Variants in GH1 observed in about 807,000 individuals in gnomAD.
GH1 encodes somatotropin.
GH1 carries 13 observed loss-of-function variants against 24.5 expected under a neutral mutation model. The observed-to-expected ratio is 0.53, with a 90% CI of 0.35 to 0.85. The LOEUF is 0.85. GH1 is among the 40% of genes least tolerant of loss of function. The pLI, the probability that GH1 is intolerant of heterozygous loss-of-function variation, is 0.01. For missense variants in GH1, 294 were observed against 273.2 expected, an observed-to-expected ratio of 1.08 and a Z score of -0.54; for synonymous variants, 126 against 116.3, an observed-to-expected ratio of 1.08 and a Z score of -0.54.
Position 63,918,396 on chromosome 17 carries a change from G to T in GH1, c.121C>A (p.Leu41Ile). Residue 41 changes from leucine (L) to isoleucine (I), a missense_variant, in exon 2 of 5, where the codon CTC (leucine) becomes ATC (isoleucine). By Grantham distance (5) the Leu-to-Ile change is conservative. Coordinates refer to ENST00000323322, the MANE Select transcript of GH1 (RefSeq NM_000515.5). ...AGCTGGTGCAGACGATGGGCGCGGAGCATAGCGTTGTCAAAAAGCCTGGAT... is the reference window on the plus strand; with the variant it reads ...AGCTGGTGCAGACGATGGGCGCGGATCATAGCGTTGTCAAAAAGCCTGGAT... Reference protein sequence around the residue: ...PLSRLFDNAMLRAHRLHQLAF... With the variant: ...PLSRLFDNAMIRAHRLHQLAF... 1.2e-6 allele frequency: 2 copies of T among 1,614,192 alleles called. No individual in the cohort carries two copies. The highest frequency in any genetic ancestry group is 1.7e-6 in the Non-Finnish European group (2 of 1,180,030).
intron 1 of GH1, 61 bp from the exon 2 acceptor site, chr17:63,918,567 G>C (rs1388884810): frequency 4.0e-5 from 64 of 1,612,036 alleles, no homozygotes; most frequent in Non-Finnish European, 5.3e-5. Context: ...CACTCTCCCT[G>C]CTCCAGGAGC....
chr17:63,917,883 C>A lies in GH1; in HGVS notation c.333G>T (p.Ser111=). The change falls in exon 4 of 5, where the codon TCG becomes TCT. Residue 111 remains serine (S), a synonymous_variant. Transcript: ENST00000323322. The part of the protein sequence containing the change: ...LLRISLLLIQ[S]WLEPVQFLRS... ...TGAGGAACTGCACGGGCTCCAGCCACGACTGGATGAGCAGCAGGGAGATGC... is the reference window on the plus strand; with the variant it reads ...TGAGGAACTGCACGGGCTCCAGCCAAGACTGGATGAGCAGCAGGGAGATGC... The A allele has an allele frequency of 6.2e-7, 1 of 1,614,188 alleles. No individual in the cohort carries two copies. Among genetic ancestry groups the A allele is most frequent in the African/African-American group, 1.3e-5 (1 of 75,054 alleles).
At chr17:63,917,726 C>T (rs752192734) in intron 4 of GH1, 34 bp downstream of exon 4, 40 of 1,614,060 alleles carry the variant, frequency 2.5e-5, no homozygotes, top group Non-Finnish European at 3.4e-5. Context: ...GTCAGTGGGG[C>T]TCCAGGATTG....
chr17:63,918,166 C>A (rs150057178), intron 2 of GH1, 30 bp from the exon 3 acceptor site: 30 of 1,614,018 alleles, frequency 1.9e-5, no homozygotes, highest in African/African-American at 9.3e-5. Flanking sequence ...CCAAGGTCTA[C>A]GCTGGAGACC....
In GH1 at chr17:63,918,711, T is replaced by A. The variant is rs200389180; in HGVS notation, c.10+56A>T. 14,676 of 1,612,252 alleles carry A rather than the reference T, an allele frequency of 9.1e-3. 108 individuals are homozygous for A. The highest frequency in any genetic ancestry group is 0.012 in the Non-Finnish European group (13,576 of 1,178,902). ...TTAGTGCCCCCGTCCCATCTACAGG[T>A]CGCTGCCTCTCCCCTCAGGACACAT... On this transcript the variant is annotated intron_variant, in intron 1 of 4. Coordinates refer to ENST00000323322, the MANE Select transcript of GH1 (RefSeq NM_000515.5).
chr17:63,918,781 G>A lies in GH1; in HGVS notation c.-5C>T, dbSNP rs771309275. ...GGGGCGCTTACCTGTAGCCATTGCAGCTAGGTGAGCTGTCCACAGGACCCT... is the reference window on the plus strand; with the variant it reads ...GGGGCGCTTACCTGTAGCCATTGCAACTAGGTGAGCTGTCCACAGGACCCT... On this transcript the variant is annotated 5_prime_UTR_variant, in exon 1 of 5. Coordinates refer to ENST00000323322, the MANE Select transcript of GH1 (RefSeq NM_000515.5). The A allele has an allele frequency of 3.0e-4, 491 of 1,613,266 alleles. No individual in the cohort carries two copies. Among genetic ancestry groups the A allele is most frequent in the Middle Eastern group, 9.9e-4 (6 of 6,054 alleles).
Position 63,917,468 on chromosome 17 carries a change from G to A in GH1, c.495C>T (p.Phe165=). Residue 165 remains phenylalanine, a synonymous_variant, in exon 5 of 5, where the codon TTC becomes TTT. Coordinates refer to ENST00000323322, the MANE Select transcript of GH1 (RefSeq NM_000515.5). ...TGTCGAACTTGCTGTAGGTCTGCTTGAAGATCTGCCCAGTCCGGGGGCTGC... is the reference window on the plus strand; with the variant it reads ...TGTCGAACTTGCTGTAGGTCTGCTTAAAGATCTGCCCAGTCCGGGGGCTGC... ...EDGSPRTGQI[F]KQTYSKFDTN... is the part of the protein sequence containing the mutation. 1 of 1,613,978 alleles carries A rather than the reference G, an allele frequency of 6.2e-7. No individual in the cohort carries two copies. The highest frequency in any genetic ancestry group is 8.5e-7 in the Non-Finnish European group (1 of 1,179,868).
intron 4 of GH1, 91 bp from the exon 5 acceptor site, chr17:63,917,597 G>C: frequency 6.2e-7 from 1 of 1,613,842 alleles, no homozygotes. Context: ...TCCCCTTCAG[G>C]GTGTAGAGAA....
Position 63,917,820 on chromosome 17 carries a change from A to C in GH1, c.396T>G (p.Ser132=), listed in dbSNP as rs763501141. The change falls in exon 4 of 5, where the codon TCT becomes TCG. Residue 132 remains serine, a synonymous_variant. Transcript: ENST00000323322. ...TTAGGAGGTCATAGACGTTGCTGTCAGAGGCGCCGTACACCAGGCTGTTGG... is the reference window on the plus strand; with the variant it reads ...TTAGGAGGTCATAGACGTTGCTGTCCGAGGCGCCGTACACCAGGCTGTTGG... ...VFANSLVYGA[S]DSNVYDLLKD... 12 of 1,614,190 alleles carry C rather than the reference A, an allele frequency of 7.4e-6. No individual in the cohort carries two copies. The highest frequency in any genetic ancestry group is 9.3e-6 in the Non-Finnish European group (11 of 1,180,030).
intron 4 of GH1, 82 bp from the exon 5 acceptor site, chr17:63,917,588 C>T (rs1907412710): frequency 1.2e-6 from 2 of 1,613,928 alleles, no homozygotes; most frequent in Non-Finnish European, 1.7e-6. Context: ...TTTCCTCCCT[C>T]CCCTTCAGGG....
Position 63,917,360 on chromosome 17 carries a change from T to A in GH1, c.603A>T (p.Thr201=), listed in dbSNP as rs1425600314. The A allele has an allele frequency of 1.9e-6, 3 of 1,613,964 alleles. No individual in the cohort carries two copies. The highest frequency in any genetic ancestry group is 2.2e-5 in the South Asian group (2 of 91,064). ...CFRKDMDKVE[T]FLRIVQCRSV... ...AGCGGCACTGCACGATGCGCAGGAATGTCTCGACCTTGTCCATGTCCTTCC... is the reference window on the plus strand; with the variant it reads ...AGCGGCACTGCACGATGCGCAGGAAAGTCTCGACCTTGTCCATGTCCTTCC... The change falls in exon 5 of 5, where the codon ACA becomes ACT. Residue 201 remains threonine (T), a synonymous_variant. Coordinates refer to ENST00000323322, the MANE Select transcript of GH1 (RefSeq NM_000515.5).
intron 3 of GH1, 37 bp downstream of exon 3, chr17:63,917,980 T>G: frequency 6.2e-7 from 1 of 1,614,078 alleles, no homozygotes; most frequent in South Asian, 1.1e-5. Context: ...ACTACAGGTC[T>G]CCCCCATCCC....
In GH1 at chr17:63,917,913, C is replaced by A; in HGVS notation, c.303G>T (p.Leu101=). ...GGATGAGCAGCAGGGAGATGCGGAGCAGCTCTAGGTTCTGCAGGGGAAGGA... is the reference window on the plus strand; with the variant it reads ...GGATGAGCAGCAGGGAGATGCGGAGAAGCTCTAGGTTCTGCAGGGGAAGGA... The part of the protein sequence containing the change: ...EETQQKSNLE[L]LRISLLLIQS... Residue 101 remains leucine (L), a synonymous_variant, in exon 4 of 5, where the codon CTG becomes CTT. Transcript: ENST00000323322. 4 of 1,614,154 alleles carry A rather than the reference C, an allele frequency of 2.5e-6. No homozygotes were observed. Among genetic ancestry groups the A allele is most frequent in the South Asian group, 1.1e-5 (1 of 91,078 alleles).
In GH1 at chr17:63,917,662, A is replaced by G. The variant is rs1907419340; in HGVS notation, c.456+98T>C. On this transcript the variant is annotated intron_variant, in intron 4 of 4. Transcript: ENST00000323322. ...AGAATAAGGTGAGTTCTCTTGGGTC[A>G]GGGCCTGACTGCTAAAAAGAGGGCA... 7.4e-6 allele frequency: 12 copies of G among 1,614,038 alleles called. No homozygotes were observed. In the South Asian group the frequency reaches 1.2e-4, roughly 16 times the overall value.
intron 4 of GH1, 80 bp from the exon 5 acceptor site, chr17:63,917,586 C>T (rs1423164531): frequency 5.6e-6 from 9 of 1,613,818 alleles, no homozygotes; most frequent in Non-Finnish European, 6.8e-6. Context: ...ATTTTCCTCC[C>T]TCCCCTTCAG....
At chr17:63,918,247 A>G (rs995072054) in intron 2 of GH1, 99 bp downstream of exon 2, 3 of 1,611,508 alleles carry the variant, frequency 1.9e-6, no homozygotes, top group African/African-American at 2.7e-5. Context: ...CGCTTCGGGA[A>G]AAACCCTGAG....
intron 2 of GH1, 76 bp downstream of exon 2, chr17:63,918,270 C>G: frequency 1.2e-6 from 2 of 1,610,770 alleles, no homozygotes; most frequent in Admixed American, 3.3e-5. Flanking sequence ...CCTTAGTCTC[C>G]TCCTCTTATT....
At chr17:63,918,661 C>G (rs1342270095) in intron 1 of GH1, 106 bp downstream of exon 1, 1 of 1,610,852 alleles carries the variant, frequency 6.2e-7, no homozygotes, top group African/African-American at 1.3e-5. Context: ...GCGATACTCA[C>G]ATTCAGAAGC....
In GH1 at chr17:63,918,087, G is replaced by A. The variant is rs1379188099; in HGVS notation, c.221C>T (p.Pro74Leu). The change falls in exon 3 of 5, where the codon CCC becomes CTC. Residue 74 changes from proline (P) to leucine (L), a missense_variant. Pro to Leu is a moderately conservative substitution (Grantham distance 98). Coordinates refer to ENST00000323322, the MANE Select transcript of GH1 (RefSeq NM_000515.5). ...KEQKYSFLQNPQTSLCFSESI... is the reference protein window; with the variant it reads ...KEQKYSFLQNLQTSLCFSESI... The stretch of plus-strand genomic sequence containing the variant: ...CTCTGAGAAACAGAGGGAGGTCTGG[G>A]GGTTCTGCAGGAATGAATACTTCTG... The A allele has an allele frequency of 6.2e-7, 1 of 1,614,122 alleles. No individual in the cohort carries two copies. The highest frequency in any genetic ancestry group is 8.5e-7 in the Non-Finnish European group (1 of 1,180,024).
Sources: allele counts gnomAD v4.1 joint callset, GRCh38; gene constraint gnomAD v4.1.1; transcripts MANE v1.5; gene names NCBI Gene and HGNC (gene_info 2026-07-23, HGNC 2026-07-21).